The following TPH2 variants were observed in gnomAD, a reference collection of about 807,000 sequenced individuals.
The protein encoded by TPH2 is tryptophan 5-hydroxylase 2.
A neutral mutation model predicts 59.1 loss-of-function variants in TPH2; 27 were observed. The observed-to-expected ratio is 0.46, with a 90% CI of 0.34 to 0.63. The LOEUF (loss-of-function observed/expected upper bound fraction) is 0.63, where lower values mean the gene tolerates loss of function less well. Ranked by LOEUF, TPH2 falls within the 30% of genes least tolerant of loss-of-function variation. TPH2 has a pLI of 0.01. For missense variants in TPH2, 523 were observed against 588.3 expected (o/e 0.89, Z 1.15); for synonymous variants, 220 against 210.5 (o/e 1.05, Z -0.39).
intron 8 of TPH2, among the ~76,000 whole-genome samples, chr12:72,012,379 T>C (rs1013929147): frequency 1.3e-5 from 2 of 151,986 alleles, no homozygotes; most frequent in African/African-American, 4.8e-5. Flanking sequence ...GGCTCGGCAA[T>C]GACAAGAGCA....
At chr12:71,999,242 AT>A (rs1469748748) in intron 8 of TPH2, among the ~76,000 whole-genome samples, 2 of 152,260 alleles carry the variant, frequency 1.3e-5, no homozygotes, top group Non-Finnish European at 2.9e-5. Flanking sequence ...AGTTTTGAGA[AT>A]AAAGCTATCT....
chr12:71,945,761 T>TAATATACCAACTCAGACCAATTCA (rs1871182556), intron 4 of TPH2, among the ~76,000 whole-genome samples: 2 of 152,172 alleles, frequency 1.3e-5, no homozygotes. Flanking sequence ...TCATTTGACA[T>TAATATACCAACTCAGACCAATTCA]AATATACCAA....
chr12:71,973,367 G>A (rs897639192), intron 6 of TPH2, among the ~76,000 whole-genome samples: 2 of 152,188 alleles, frequency 1.3e-5, no homozygotes, highest in Non-Finnish European at 2.9e-5. Context: ...CGATGAGAGT[G>A]ACCTCTGGTC....
chr12:71,951,254 A>T (rs1334753818), intron 5 of TPH2, among the ~76,000 whole-genome samples: 4 of 152,132 alleles, frequency 2.6e-5, no homozygotes, highest in African/African-American at 9.7e-5. Flanking sequence ...TCAGGCCCTG[A>T]TGATGGTTGT....
intron 8 of TPH2, among the ~76,000 whole-genome samples, chr12:71,995,998 C>T (rs1172669295): frequency 6.6e-6 from 1 of 152,166 alleles, no homozygotes; most frequent in Admixed American, 6.5e-5. Flanking sequence ...AGCTTAGTGG[C>T]TTAAAACAAC....
chr12:71,982,722 T>A (rs1205335118), intron 7 of TPH2, among the ~76,000 whole-genome samples: 1 of 152,240 alleles, frequency 6.6e-6, no homozygotes, highest in Non-Finnish European at 1.5e-5. Context: ...CTGCTTGTAC[T>A]GTGTTTCCAA....
chr12:71,956,221 G>A (rs1457298258), intron 5 of TPH2, among the ~76,000 whole-genome samples: 1 of 152,162 alleles, frequency 6.6e-6, no homozygotes, highest in East Asian at 1.9e-4. Flanking sequence ...AATCTATAAT[G>A]CCTTTTATAA....
chr12:72,022,348 A>G (rs759473429), intron 8 of TPH2, 51 bp from the exon 9 acceptor site: 6 of 1,367,876 alleles, frequency 4.4e-6, no homozygotes, highest in Non-Finnish European at 6.3e-6. Context: ...ATTTAATCCT[A>G]TCAAATAACT....
chr12:71,938,950 C>A lies in TPH2; in HGVS notation c.-37C>A, dbSNP rs967807532. ...CAGCGCTGCTACTGCCCCTCTAGTA[C>A]CCCCTGCTGCAGAGAAAGAATATTA... On this transcript the variant is annotated 5_prime_UTR_variant, in exon 1 of 11. Coordinates refer to ENST00000333850, the MANE Select transcript of TPH2 (RefSeq NM_173353.4). The A allele has an allele frequency of 2.6e-6, 4 of 1,551,852 alleles. No homozygotes were observed. Among genetic ancestry groups the A allele is most frequent in the African/African-American group, 1.4e-5 (1 of 73,612 alleles).
chr12:72,006,568 T>A (rs1441990873), intron 8 of TPH2, among the ~76,000 whole-genome samples: 3 of 151,908 alleles, frequency 2.0e-5, no homozygotes, highest in South Asian at 4.2e-4. Context: ...TGATCAAATA[T>A]CAAGGGTGAT....
intron 5 of TPH2, among the ~76,000 whole-genome samples, chr12:71,954,743 A>G (rs1419896866): frequency 2.0e-5 from 3 of 152,106 alleles, no homozygotes; most frequent in Admixed American, 6.5e-5. Flanking sequence ...ACAATCAGTG[A>G]TACGTTTTTT....
At chr12:72,018,470 T>G (rs1365467226) in intron 8 of TPH2, among the ~76,000 whole-genome samples, 1 of 152,326 alleles carries the variant, frequency 6.6e-6, no homozygotes, top group South Asian at 2.1e-4. Flanking sequence ...GCACACCAGA[T>G]TTTTTCAGAG....
Position 71,941,620 on chromosome 12 carries a change from G to C in TPH2, c.142G>C (p.Gly48Arg). ...TAACTCTGGCAAAAATGACGACAAAGGCAACAAGGGAAGCAGCAAACGTGA... is the reference window on the plus strand; with the variant it reads ...TAACTCTGGCAAAAATGACGACAAACGCAACAAGGGAAGCAGCAAACGTGA... The part of the protein sequence containing the change: ...KPNSGKNDDK[G>R]NKGSSKREAA... Residue 48 changes from glycine (G) to arginine (R), a missense_variant, in exon 2 of 11, where the codon GGC (glycine) becomes CGC (arginine). Gly to Arg is a moderately radical substitution (Grantham distance 125). Coordinates refer to ENST00000333850, the MANE Select transcript of TPH2 (RefSeq NM_173353.4). 1 of 1,614,034 alleles carries C rather than the reference G, an allele frequency of 6.2e-7. No individual in the cohort carries two copies. Among genetic ancestry groups the C allele is most frequent in the Non-Finnish European group, 8.5e-7 (1 of 1,179,978 alleles).
intron 4 of TPH2, among the ~76,000 whole-genome samples, chr12:71,947,116 T>G (rs951162459): frequency 3.9e-5 from 6 of 152,170 alleles, no homozygotes; most frequent in African/African-American, 1.4e-4. Context: ...TTTCAAGGTA[T>G]CTGCAGGGGA....
chr12:72,014,446 A>G (rs564188211), intron 8 of TPH2, among the ~76,000 whole-genome samples: 457 of 143,788 alleles, frequency 3.2e-3, no homozygotes, highest in Admixed American at 7.9e-3. Context: ...GCTGGAGTGC[A>G]GTGGAGTGAT....
intron 2 of TPH2, among the ~76,000 whole-genome samples, chr12:71,942,658 C>T (rs746736730): frequency 5.3e-5 from 8 of 152,166 alleles, no homozygotes; most frequent in Middle Eastern, 3.4e-3. Flanking sequence ...ATTGCTGGGA[C>T]GACATAATAT....
rs1465425861 is a variant in TPH2 at position 71,949,570 on chromosome 12, A to G, written c.541-18A>G. 15 of 1,608,858 alleles carry G rather than the reference A, an allele frequency of 9.3e-6. No individual in the cohort carries two copies. The highest frequency in any genetic ancestry group is 1.3e-5 in the Non-Finnish European group (15 of 1,175,748). On this transcript the variant is annotated intron_variant, in intron 4 of 10. Transcript: ENST00000333850. Reference sequence around the variant, plus strand: ...TTTCAGCACTTTGTTAAATAACTTAATCTTTTTTGTGTTTAAGGGATTTAA... The same window carrying G: ...TTTCAGCACTTTGTTAAATAACTTAGTCTTTTTTGTGTTTAAGGGATTTAA...
At chr12:72,025,896 T>G (rs1215700424) in intron 9 of TPH2, among the ~76,000 whole-genome samples, 1 of 152,234 alleles carries the variant, frequency 6.6e-6, no homozygotes, top group Admixed American at 6.5e-5. Context: ...ATATATTATT[T>G]GCTTGCTTAT....
At chr12:71,968,428 A>G (rs1478955300) in intron 5 of TPH2, among the ~76,000 whole-genome samples, 2 of 152,190 alleles carry the variant, frequency 1.3e-5, no homozygotes, top group Admixed American at 6.5e-5. Flanking sequence ...TTTGCTGGGC[A>G]TTAGACTTCA....
Sources: gnomAD v4.1 joint callset for allele counts (sites outside exome capture counted in the v4.1 genomes callset) on GRCh38, gnomAD v4.1.1 for gene constraint, MANE v1.5 for transcripts, NCBI Gene and HGNC (gene_info 2026-07-23, HGNC 2026-07-21) for gene names.